The following GULP1 variants were observed in gnomAD, a reference collection of about 807,000 sequenced individuals.
GULP1 encodes GULP PTB domain containing engulfment adaptor 1, also known as PTB domain-containing engulfment adapter protein 1.
GULP1 carries 19 observed loss-of-function variants against 40.9 expected under a neutral mutation model. The observed-to-expected ratio is 0.46, with a 90% confidence interval of 0.32 to 0.68. The LOEUF is 0.68. Ranked by LOEUF, GULP1 falls within the 30% of genes least tolerant of loss-of-function variation. GULP1 has a pLI of 0.03. For missense variants in GULP1, 312 were observed against 362.2 expected, an observed-to-expected ratio of 0.86 and a Z score of 1.12; for synonymous variants, 119 against 117.6, an observed-to-expected ratio of 1.01 and a Z score of -0.08.
chr2:188,579,365 T>C (rs1181034344), intron 9 of GULP1, among the ~76,000 whole-genome samples: 2 of 152,064 alleles, frequency 1.3e-5, no homozygotes, highest in East Asian at 3.9e-4. Flanking sequence ...ATATGTAATC[T>C]ATTTTTATAT....
chr2:188,481,531 G>A (rs1451614989), intron 3 of GULP1, among the ~76,000 whole-genome samples: 1 of 151,900 alleles, frequency 6.6e-6, no homozygotes, highest in East Asian at 1.9e-4. Context: ...ATTTAATATT[G>A]TGATTATTTT....
intron 2 of GULP1, among the ~76,000 whole-genome samples, chr2:188,388,718 G>A (rs1439526022): frequency 6.6e-6 from 1 of 152,156 alleles, no homozygotes; most frequent in Non-Finnish European, 1.5e-5. Context: ...GCTAGGAACT[G>A]TAGGAAAATA....
chr2:188,420,126 A>G (rs770653274), intron 2 of GULP1, among the ~76,000 whole-genome samples: 143 of 152,174 alleles, frequency 9.4e-4, no homozygotes, highest in Admixed American at 2.6e-3. Context: ...AAGAAATGTG[A>G]TGCCTCCAGC....
chr2:188,352,552 T>G (rs190524879), intron 1 of GULP1, among the ~76,000 whole-genome samples: 32 of 151,862 alleles, frequency 2.1e-4, no homozygotes, highest in African/African-American at 7.5e-4. Flanking sequence ...CCTTAAAATT[T>G]TTCTCTCTCT....
intron 6 of GULP1, among the ~76,000 whole-genome samples, chr2:188,533,342 A>G (rs909018899): frequency 3.9e-5 from 6 of 152,318 alleles, no homozygotes; most frequent in Admixed American, 3.9e-4. Flanking sequence ...ACCTACAGCC[A>G]TCTGATTTTT....
chr2:188,405,178 A>G (rs947181003), intron 2 of GULP1, among the ~76,000 whole-genome samples: 33 of 152,112 alleles, frequency 2.2e-4, no homozygotes, highest in African/African-American at 5.8e-4. Context: ...TTGCAGACCT[A>G]TCCTCTAGGA....
chr2:188,394,426 A>G (rs2050945070), intron 2 of GULP1, among the ~76,000 whole-genome samples: 1 of 151,806 alleles, frequency 6.6e-6, no homozygotes, highest in Middle Eastern at 3.2e-3. Context: ...ATTTTCATTC[A>G]TATCCTGAAT....
chr2:188,349,625 T>G (rs1322519788), intron 1 of GULP1, among the ~76,000 whole-genome samples: 1 of 152,208 alleles, frequency 6.6e-6, no homozygotes, highest in African/African-American at 2.4e-5. Flanking sequence ...ATCAGATGTA[T>G]GATTTGCAAA....
At chr2:188,453,095 G>A (rs1433556586) in intron 2 of GULP1, among the ~76,000 whole-genome samples, 1 of 151,934 alleles carries the variant, frequency 6.6e-6, no homozygotes, top group Non-Finnish European at 1.5e-5. Flanking sequence ...TAGGATTACA[G>A]GTGTGAGCCA....
intron 2 of GULP1, among the ~76,000 whole-genome samples, chr2:188,467,922 A>G (rs1054141599): frequency 1.3e-5 from 2 of 152,196 alleles, no homozygotes; most frequent in Admixed American, 6.5e-5. Flanking sequence ...AGATGCTAAC[A>G]TAATTTCATT....
chr2:188,407,341 C>T (rs1245557672), intron 2 of GULP1, among the ~76,000 whole-genome samples: 6 of 152,130 alleles, frequency 3.9e-5, no homozygotes, highest in Non-Finnish European at 5.9e-5. Flanking sequence ...AGTAAATACA[C>T]AGTCTAATTC....
At chr2:188,494,339 G>T (rs1044712955) in intron 4 of GULP1, among the ~76,000 whole-genome samples, 1 of 151,924 alleles carries the variant, frequency 6.6e-6, no homozygotes, top group African/African-American at 2.4e-5. Flanking sequence ...TGTCCACCTG[G>T]TGTCAGTCAG....
chr2:188,299,214 C>T (rs1010944530), intron 1 of GULP1, among the ~76,000 whole-genome samples: 2 of 151,076 alleles, frequency 1.3e-5, no homozygotes, highest in Admixed American at 1.3e-4. Context: ...AAGGACAGAG[C>T]AGGTGACTAA....
At position 188,316,557 on chromosome 2, in the gene GULP1, A is replaced by AG. The variant is rs569928046; in HGVS notation, c.-172+24391_-172+24392insG. On this transcript the variant is annotated intron_variant, in intron 1 of 11. Transcript: ENST00000409830. ...TGTGGCCTCATTGCTCACTGTTCAC[A>AG]CAGCGCCCTGACTGCTCCTCCCCAG... is the stretch of plus-strand genomic sequence containing the variant. 2.8e-3 allele frequency among the ~76,000 whole-genome samples: 422 copies of AG among 152,150 alleles called. 3 individuals carry two copies. Among genetic ancestry groups the AG allele is most frequent in the African/African-American group, 9.6e-3 (400 of 41,506 alleles).
chr2:188,377,856 A>G (rs763794131), intron 1 of GULP1, among the ~76,000 whole-genome samples: 2 of 152,094 alleles, frequency 1.3e-5, no homozygotes, highest in African/African-American at 2.4e-5. Context: ...AATTTTTAAA[A>G]CCCTGATATA....
chr2:188,322,910 C>G (rs2040196149), intron 1 of GULP1, among the ~76,000 whole-genome samples: 1 of 152,064 alleles, frequency 6.6e-6, no homozygotes, highest in Non-Finnish European at 1.5e-5. Context: ...TGGCCAAAAG[C>G]CTTCAAAGTT....
At chr2:188,319,218 A>G (rs1345041547) in intron 1 of GULP1, among the ~76,000 whole-genome samples, 1 of 152,182 alleles carries the variant, frequency 6.6e-6, no homozygotes, top group Non-Finnish European at 1.5e-5. Context: ...TATTCTTTGT[A>G]AAAATAAAAG....
chr2:188,448,233 T>C (rs2058556336), intron 2 of GULP1, among the ~76,000 whole-genome samples: 1 of 152,170 alleles, frequency 6.6e-6, no homozygotes, highest in Non-Finnish European at 1.5e-5. Context: ...GTTAATAATA[T>C]CTAGTTTTAG....
chr2:188,483,584 TC>T, intron 4 of GULP1, 92 bp downstream of exon 4: 2 of 490,636 alleles, frequency 4.1e-6, no homozygotes, highest in Non-Finnish European at 7.3e-6. Flanking sequence ...TATTGACATT[TC>T]CTGGTTATTG....
Sources: allele counts gnomAD v4.1 joint callset (sites outside exome capture counted in the v4.1 genomes callset), GRCh38; gene constraint gnomAD v4.1.1; transcripts MANE v1.5; gene names NCBI Gene and HGNC (gene_info 2026-07-23, HGNC 2026-07-21).